Variants in RABGEF1 observed in about 807,000 individuals in gnomAD.
RABGEF1 encodes RAB guanine nucleotide exchange factor 1.
In RABGEF1, 26 loss-of-function variants were observed where a neutral mutation model predicts 57.3. The observed-to-expected ratio is 0.45, with a 90% CI of 0.33 to 0.63. RABGEF1 has a LOEUF of 0.63. Among genes scored for constraint, RABGEF1 ranks in the 20% least tolerant of loss-of-function variants. The pLI, the probability that RABGEF1 is intolerant of heterozygous loss-of-function variation, is 0.02. For synonymous variants in RABGEF1, 185 were observed against 210.7 expected (o/e 0.88, Z 1.06); for missense variants, 464 against 607.6 (o/e 0.76, Z 2.48).
chr7:66,786,208 A>G (rs1811154416), intron 4 of RABGEF1, among the ~76,000 whole-genome samples: 1 of 152,234 alleles, frequency 6.6e-6, no homozygotes, highest in Non-Finnish European at 1.5e-5. Flanking sequence ...GGTCAAGTCT[A>G]GAAAATTAAA....
the RABGEF1 span, among the ~76,000 whole-genome samples, chr7:66,664,998 A>C: frequency 6.6e-6 from 1 of 152,240 alleles, no homozygotes; most frequent in East Asian, 1.9e-4. Context: ...TCCTGCGCTC[A>C]TGAGCTGGCG....
Position 66,795,496 on chromosome 7 carries a change from GTC to G in RABGEF1, c.514-9_514-8del. On this transcript the variant is annotated splice_polypyrimidine_tract_variant and intron_variant, in intron 4 of 8. Coordinates refer to ENST00000284957, the MANE Select transcript of RABGEF1 (RefSeq NM_014504.3). Reference sequence around the variant, plus strand: ...TTGTTCAGCTACAAGCAGCCTCTTTGTCTCTCTGTTTCAGGATCTAAGCATTG... The same window carrying G: ...TTGTTCAGCTACAAGCAGCCTCTTTGTCTCTGTTTCAGGATCTAAGCATTG... The G allele has an allele frequency of 6.3e-7, 1 of 1,590,078 alleles. No homozygotes were observed. The highest frequency in any genetic ancestry group is 1.3e-5 in the African/African-American group (1 of 74,502).
chr7:66,795,110 T>A (rs1321320055), intron 4 of RABGEF1, among the ~76,000 whole-genome samples: 2 of 152,138 alleles, frequency 1.3e-5, no homozygotes, highest in Non-Finnish European at 2.9e-5. Context: ...GCCTGGCCCC[T>A]CTTCTTTCTG....
chr7:66,706,786 T>TG (rs1562718693), intron 1 of RABGEF1, among the ~76,000 whole-genome samples: 1 of 139,424 alleles, frequency 7.2e-6, no homozygotes. Context: ...TGGTTTTTTT[T>TG]TTTTTTTTTT....
At chr7:66,719,694 A>G (rs1441027210) in intron 2 of RABGEF1, among the ~76,000 whole-genome samples, 1 of 152,252 alleles carries the variant, frequency 6.6e-6, no homozygotes, top group Non-Finnish European at 1.5e-5. Flanking sequence ...CCTAACAAAT[A>G]GACCAGGAGT....
chr7:66,732,059 C>T (rs1562748311), intron 2 of RABGEF1, among the ~76,000 whole-genome samples: 1 of 152,192 alleles, frequency 6.6e-6, no homozygotes, highest in Non-Finnish European at 1.5e-5. Flanking sequence ...CTGCCAGCCA[C>T]CCCCAGCCCA....
upstream of RABGEF1, among the ~76,000 whole-genome samples, chr7:66,679,346 T>C (rs1789529816): frequency 6.6e-6 from 1 of 152,180 alleles, no homozygotes; most frequent in African/African-American, 2.4e-5. Context: ...TCTTGCTCTG[T>C]CACCCAGGCT....
chr7:66,761,849 G>A (rs1312673427), intron 1 of RABGEF1, among the ~76,000 whole-genome samples: 1 of 152,226 alleles, frequency 6.6e-6, no homozygotes, highest in East Asian at 1.9e-4. Context: ...TCAGGAGTTC[G>A]AGAGCAGCCT....
chr7:66,804,509 C>T (rs1360788727), intron 7 of RABGEF1, among the ~76,000 whole-genome samples: 1 of 151,898 alleles, frequency 6.6e-6, no homozygotes, highest in Non-Finnish European at 1.5e-5. Flanking sequence ...CCAAGGTGGG[C>T]GGATCACCTG....
At chr7:66,738,720 A>C (rs1798340240), upstream of RABGEF1, among the ~76,000 whole-genome samples, 1 of 137,132 alleles carries the variant, frequency 7.3e-6, no homozygotes, top group Admixed American at 7.9e-5. Flanking sequence ...CAACAGAGTG[A>C]GACTCTAACT....
At chr7:66,807,157 C>G (rs1279015001) in intron 8 of RABGEF1, among the ~76,000 whole-genome samples, 1 of 152,214 alleles carries the variant, frequency 6.6e-6, no homozygotes, top group East Asian at 1.9e-4. Flanking sequence ...CTTGCACACA[C>G]TTAGCAGCTT....
chr7:66,721,857 C>T (rs1054227035), intron 2 of RABGEF1, among the ~76,000 whole-genome samples: 9 of 152,070 alleles, frequency 5.9e-5, no homozygotes, highest in African/African-American at 2.2e-4. Context: ...TGCTTTGAAA[C>T]AGAAAGTTTT....
intron 7 of RABGEF1, among the ~76,000 whole-genome samples, chr7:66,804,070 G>A (rs1175655526): frequency 1.3e-5 from 2 of 151,716 alleles, no homozygotes; most frequent in Non-Finnish European, 2.9e-5. Flanking sequence ...TAAGTGTGTC[G>A]GATTCCAGTA....
chr7:66,729,139 A>G (rs887300562), intron 2 of RABGEF1, among the ~76,000 whole-genome samples: 1 of 151,798 alleles, frequency 6.6e-6, no homozygotes, highest in Non-Finnish European at 1.5e-5. Flanking sequence ...TTTAGTAGAT[A>G]TGGGGTTTCA....
At chr7:66,753,660 CAG>C (rs1053754137) in intron 1 of RABGEF1, among the ~76,000 whole-genome samples, 1 of 145,322 alleles carries the variant, frequency 6.9e-6, no homozygotes, top group Non-Finnish European at 1.5e-5. Flanking sequence ...CTTCGCATAA[CAG>C]TGTTTTTTCT....
chr7:66,724,965 G>A (rs1023720611), intron 2 of RABGEF1, among the ~76,000 whole-genome samples: 1 of 151,994 alleles, frequency 6.6e-6, no homozygotes, highest in African/African-American at 2.4e-5. Context: ...TAGACATTAT[G>A]TTTTCAGCTC....
At chr7:66,726,302 C>T (rs1796577802) in intron 2 of RABGEF1, among the ~76,000 whole-genome samples, 1 of 152,184 alleles carries the variant, frequency 6.6e-6, no homozygotes, top group Non-Finnish European at 1.5e-5. Flanking sequence ...GTTCTCTCAC[C>T]TGTGGGTTCA....
rs1188189327 is a variant in RABGEF1, at chr7:66,768,530, A to G, written c.-17-3353A>G. On this transcript the variant is annotated intron_variant, in intron 1 of 8. Transcript: ENST00000284957. ...TTTCTAAACAGTTATTCCCAGAGCA[A>G]AATGTTTTGTTTTGTTGCCAGATTT... Among the ~76,000 whole-genome samples, 4 of 152,154 alleles carry G rather than the reference A, an allele frequency of 2.6e-5. No homozygotes were observed. The East Asian group carries it at 7.7e-4, about 29-fold the overall frequency.
Position 66,795,619 on chromosome 7 carries a change from G to A in RABGEF1, c.595+27G>A, listed in dbSNP as rs774830869. On this transcript the variant is annotated intron_variant, in intron 5 of 8. Coordinates refer to ENST00000284957, the MANE Select transcript of RABGEF1 (RefSeq NM_014504.3). ...TAACACTGTTAGCCATTGAGAGATT[G>A]CGGGTATTGCACAGGGATGACTGCT... The A allele has an allele frequency of 5.2e-6, 8 of 1,552,662 alleles. No homozygotes were observed. The South Asian group carries it at 6.7e-5, about 13-fold the overall frequency.
Sources: gnomAD v4.1 joint callset for allele counts (sites outside exome capture counted in the v4.1 genomes callset) on GRCh38, gnomAD v4.1.1 for gene constraint, MANE v1.5 for transcripts, NCBI Gene and HGNC (gene_info 2026-07-23, HGNC 2026-07-21) for gene names.